Variants in ADGRE2 observed in about 807,000 individuals in gnomAD.
ADGRE2 encodes the protein CD97 antigen.
In ADGRE2, 83 loss-of-function variants were observed where a neutral mutation model predicts 100.8. That is an observed-to-expected ratio of 0.82 (90% CI 0.69 to 0.99). The LOEUF (loss-of-function observed/expected upper bound fraction) is 0.99, where lower values mean the gene tolerates loss of function less well. Among genes scored for constraint, ADGRE2 ranks in the 50% least tolerant of loss-of-function variants. The pLI, the probability that ADGRE2 is intolerant of heterozygous loss-of-function variation, is 0.00. For synonymous variants in ADGRE2, 355 were observed against 413.0 expected (o/e 0.86, Z 1.70); for missense variants, 814 against 1,035.7 (o/e 0.79, Z 2.94).
At position 14,751,592 on chromosome 19, in the gene ADGRE2, T is replaced by TAC. The variant is rs1390624755; in HGVS notation, c.1866_1867dup (p.Tyr623CysfsTer10). ...CAGGTTCCGTGCAGTGAGGAAGAGG[T>TAC]ACAGGGCCTCCAGCAGCATCCAGGT... On this transcript the variant is annotated frameshift_variant, in exon 16 of 21. Coordinates refer to ENST00000315576, the MANE Select transcript of ADGRE2 (RefSeq NM_013447.4). LOFTEE classifies it high-confidence loss of function. 6.2e-7 allele frequency: 1 copy of TAC among 1,613,760 alleles called. No homozygotes were observed. Among genetic ancestry groups the TAC allele is most frequent in the Non-Finnish European group, 8.5e-7 (1 of 1,179,990 alleles).
intron 2 of ADGRE2, among the ~76,000 whole-genome samples, chr19:14,775,632 G>A (rs1225013879): frequency 6.6e-6 from 1 of 152,002 alleles, no homozygotes; most frequent in African/African-American, 2.4e-5. Flanking sequence ...GCCAAGGTGG[G>A]CAGATCATCT....
chr19:14,754,355 GT>G (rs780501920), intron 14 of ADGRE2, among the ~76,000 whole-genome samples: 15 of 138,124 alleles, frequency 1.1e-4, no homozygotes, highest in Non-Finnish European at 2.0e-4. Flanking sequence ...GAGTCAGTGG[GT>G]TGGGAAAGGC....
At position 14,746,243 on chromosome 19, in the gene ADGRE2, G is replaced by A. The variant is rs58281547; in HGVS notation, c.2172C>T (p.Leu724=). 0.051 allele frequency: 81,240 copies of A among 1,595,556 alleles called. 2,294 individuals are homozygous for A. Among genetic ancestry groups the A allele is most frequent in the Middle Eastern group, 0.064 (383 of 6,022 alleles). Reference sequence around the variant, plus strand: ...CTTCTCCATCTTACCTTGTGTTCCGGAGGGTGGACACTTCACTATTGAGGG... The same window carrying A: ...CTTCTCCATCTTACCTTGTGTTCCGAAGGGTGGACACTTCACTATTGAGGG... ...LSSLNSEVST[L]RNTRMLAFKA... is the part of the protein sequence containing the mutation. Residue 724 remains leucine, a synonymous_variant, in exon 18 of 21, where the codon CTC becomes CTT. Transcript: ENST00000315576.
intron 11 of ADGRE2, among the ~76,000 whole-genome samples, chr19:14,757,499 C>T (rs1016989027): frequency 6.6e-6 from 1 of 152,180 alleles, no homozygotes; most frequent in African/African-American, 2.4e-5. Flanking sequence ...GACAGTAATA[C>T]TGGCATAAGG....
intron 20 of ADGRE2, among the ~76,000 whole-genome samples, chr19:14,736,833 T>TAGAAATATATAGATATTA (rs1252845057): frequency 7.1e-6 from 1 of 140,200 alleles, no homozygotes; most frequent in Non-Finnish European, 1.5e-5. Flanking sequence ...TATAGATATT[T>TAGAAATATATAGATATTA]AATATCTATA....
chr19:14,770,245 G>T (rs2044148324), intron 5 of ADGRE2, among the ~76,000 whole-genome samples: 1 of 152,076 alleles, frequency 6.6e-6, no homozygotes, highest in Admixed American at 6.6e-5. Flanking sequence ...AAAACTGCTT[G>T]TTGGAAAAAG....
At chr19:14,775,853 C>A (rs1216393260) in intron 2 of ADGRE2, among the ~76,000 whole-genome samples, 1 of 117,508 alleles carries the variant, frequency 8.5e-6, no homozygotes, top group African/African-American at 3.5e-5. Context: ...AGCAAGGCTC[C>A]GCCTCAGAAA....
chr19:14,750,567 GCAAA>G (rs58778534), intron 16 of ADGRE2, among the ~76,000 whole-genome samples: 57,728 of 151,286 alleles, frequency 0.38, 12,526 homozygotes, highest in African/African-American at 0.58. Context: ...AGTGCAATTG[GCAAA>G]CAAACAAACA....
At chr19:14,763,653 T>C in intron 11 of ADGRE2, among the ~76,000 whole-genome samples, 1 of 108,156 alleles carries the variant, frequency 9.2e-6, no homozygotes, top group Non-Finnish European at 2.0e-5. Flanking sequence ...CCTCCGCTCT[T>C]TCTCGTCTCC....
At chr19:14,743,897 G>C in intron 18 of ADGRE2, 113 bp from the exon 19 acceptor site, 1 of 988,814 alleles carries the variant, frequency 1.0e-6, no homozygotes, top group South Asian at 1.5e-5. Flanking sequence ...TTCTCAGACT[G>C]GGCTGTGGTC....
intron 4 of ADGRE2, 65 bp downstream of exon 4, chr19:14,773,873 C>T (rs1453848921): frequency 6.3e-6 from 9 of 1,429,846 alleles, no homozygotes; most frequent in East Asian, 2.3e-5. Context: ...CCTCTGTCCC[C>T]CACTGGCACT....
intron 17 of ADGRE2, 21 bp downstream of exon 17, chr19:14,746,875 T>A (rs1317278769): frequency 6.2e-7 from 1 of 1,611,074 alleles, no homozygotes; most frequent in Admixed American, 1.7e-5. Flanking sequence ...GCAGCGAGGA[T>A]GCTCAGATGA....
chr19:14,776,799 G>A lies in ADGRE2; in HGVS notation c.-43C>T, dbSNP rs1279353466. 6.2e-7 allele frequency: 1 copy of A among 1,611,184 alleles called. No individual in the cohort carries two copies. The highest frequency in any genetic ancestry group is 2.2e-5 in the East Asian group (1 of 44,662). ...CGGCAGGAGCAGCAGGGGAAAGAGT[G>A]AGTGGGACAGGGCTGTCCCGTCTCC... On this transcript the variant is annotated 5_prime_UTR_variant, in exon 2 of 21. Coordinates refer to ENST00000315576, the MANE Select transcript of ADGRE2 (RefSeq NM_013447.4).
At chr19:14,746,430 C>T (rs538574349) in intron 17 of ADGRE2, 107 bp from the exon 18 acceptor site, 57 of 668,860 alleles carry the variant, frequency 8.5e-5, no homozygotes, top group South Asian at 1.5e-4. Context: ...TGGAGTGTGG[C>T]GGTGCAATCT....
At chr19:14,744,870 G>A (rs944485480) in intron 18 of ADGRE2, among the ~76,000 whole-genome samples, 1 of 151,308 alleles carries the variant, frequency 6.6e-6, no homozygotes, top group Non-Finnish European at 1.5e-5. Context: ...TGTGGGAACA[G>A]GCAAGAAAAT....
intron 2 of ADGRE2, among the ~76,000 whole-genome samples, chr19:14,774,571 C>T (rs1599889566): frequency 6.6e-6 from 1 of 151,148 alleles, no homozygotes; most frequent in Non-Finnish European, 1.5e-5. Flanking sequence ...TGCAGTGATG[C>T]GATTATAGCT....
intron 18 of ADGRE2, 50 bp downstream of exon 18, chr19:14,746,182 C>T: frequency 1.7e-6 from 2 of 1,175,294 alleles, no homozygotes; most frequent in Non-Finnish European, 2.5e-6. Context: ...TGGCTTGGCT[C>T]TTGGGAACCA....
At chr19:14,755,969 A>G in intron 12 of ADGRE2, 92 bp from the exon 13 acceptor site, 1 of 1,086,814 alleles carries the variant, frequency 9.2e-7, no homozygotes, top group East Asian at 2.6e-5. Context: ...CTTTCTACTC[A>G]GATGGGCTAC....
downstream of ADGRE2, among the ~76,000 whole-genome samples, chr19:14,730,603 C>G (rs1463077182): frequency 6.6e-6 from 1 of 152,082 alleles, no homozygotes; most frequent in East Asian, 1.9e-4. Context: ...GCTAGCAAAG[C>G]AGTTTGTAAT....
Sources: gnomAD v4.1 joint callset for allele counts (sites outside exome capture counted in the v4.1 genomes callset) on GRCh38, gnomAD v4.1.1 for gene constraint, MANE v1.5 for transcripts, NCBI Gene and HGNC (gene_info 2026-07-23, HGNC 2026-07-21) for gene names.